The following PLAAT3 variants were observed in gnomAD, a reference collection of about 807,000 sequenced individuals.
PLAAT3 encodes Ca-independent phospholipase A1/2.
A neutral mutation model predicts 16.7 loss-of-function variants in PLAAT3; 21 were observed. That is an observed-to-expected ratio of 1.26 (90% CI 0.89 to 1.81). The LOEUF is 1.81. Ranked by LOEUF, PLAAT3 falls within the 40% of genes most tolerant of loss-of-function variation. PLAAT3 has a pLI of 0.00. For synonymous variants in PLAAT3, 76 were observed against 81.7 expected, an observed-to-expected ratio of 0.93 and a Z score of 0.38; for missense variants, 219 against 213.7, an observed-to-expected ratio of 1.02 and a Z score of -0.16.
chr11:63,575,194 G>C lies in PLAAT3; in HGVS notation c.388-148C>G, dbSNP rs528043355. 14 of 594,804 alleles carry C rather than the reference G, an allele frequency of 2.4e-5. 1 individual carries two copies. The highest frequency in any genetic ancestry group is 4.2e-5 in the Non-Finnish European group (14 of 333,908). 36.8% of individuals were successfully genotyped at this position (594,804 alleles called of 1,614,324 possible). ...GGAGTCAACAAACATTGGTAGGGAA[G>C]AGGGGAGGAGAGGGCTGGACGGGAA... On this transcript the variant is annotated intron_variant, in intron 4 of 4. Coordinates refer to ENST00000415826, the MANE Select transcript of PLAAT3 (RefSeq NM_001128203.2).
chr11:63,588,101 G>T (rs1269703984), intron 4 of PLAAT3, among the ~76,000 whole-genome samples: 1 of 151,442 alleles, frequency 6.6e-6, no homozygotes, highest in Non-Finnish European at 1.5e-5. Context: ...ACTGGGTCTT[G>T]CTCTGTCACC....
chr11:63,599,112 C>A (rs552314076), intron 2 of PLAAT3, among the ~76,000 whole-genome samples: 67 of 152,322 alleles, frequency 4.4e-4, no homozygotes, highest in African/African-American at 1.6e-3. Flanking sequence ...AGTTCCGACT[C>A]TCACTAGAAT....
chr11:63,576,263 T>G (rs1197961177), intron 4 of PLAAT3, among the ~76,000 whole-genome samples: 1 of 151,784 alleles, frequency 6.6e-6, no homozygotes, highest in Non-Finnish European at 1.5e-5. Context: ...CACTCAGAGC[T>G]CCATCCAGTA....
intron 4 of PLAAT3, among the ~76,000 whole-genome samples, chr11:63,589,308 A>G (rs1335585164): frequency 6.6e-6 from 1 of 151,778 alleles, no homozygotes; most frequent in African/African-American, 2.4e-5. Flanking sequence ...ATAAAAGTGA[A>G]CAGCCTGATG....
chr11:63,610,850 G>A (rs1477707620), intron 2 of PLAAT3, among the ~76,000 whole-genome samples: 5 of 152,142 alleles, frequency 3.3e-5, no homozygotes, highest in Non-Finnish European at 7.4e-5. Context: ...AAGGCTCCCC[G>A]CCCACTCATT....
chr11:63,588,604 A>G (rs935231238), intron 4 of PLAAT3, among the ~76,000 whole-genome samples: 39 of 152,198 alleles, frequency 2.6e-4, no homozygotes, highest in African/African-American at 9.2e-4. Context: ...AAGCCAGACC[A>G]TGACCAACAG....
intron 4 of PLAAT3, among the ~76,000 whole-genome samples, chr11:63,576,945 T>C (rs1035526440): frequency 2.6e-5 from 4 of 152,218 alleles, no homozygotes; most frequent in Non-Finnish European, 5.9e-5. Context: ...ATGTTTAAAA[T>C]GCTTTAAGGA....
At chr11:63,585,401 C>CA (rs1937944932) in intron 4 of PLAAT3, among the ~76,000 whole-genome samples, 2 of 151,968 alleles carry the variant, frequency 1.3e-5, no homozygotes, top group Non-Finnish European at 2.9e-5. Context: ...CAACTGGAGA[C>CA]AGTTTTTCCC....
intron 2 of PLAAT3, among the ~76,000 whole-genome samples, chr11:63,605,129 C>T (rs1938523726): frequency 6.6e-6 from 1 of 152,138 alleles, no homozygotes; most frequent in Non-Finnish European, 1.5e-5. Context: ...CGCAGTGGCT[C>T]ACGCCTTGTA....
chr11:63,594,007 C>T (rs1400411475), intron 3 of PLAAT3, among the ~76,000 whole-genome samples: 3 of 152,332 alleles, frequency 2.0e-5, no homozygotes, highest in South Asian at 4.1e-4. Flanking sequence ...GTTGCTCATA[C>T]CAGGGCGCTG....
intron 2 of PLAAT3, chr11:63,598,619 C>T: frequency 2.0e-6 from 1 of 496,038 alleles, no homozygotes; most frequent in Middle Eastern, 3.2e-4. Context: ...AGTGACTTGG[C>T]CAGGACTGAA....
chr11:63,590,314 G>A lies in PLAAT3; in HGVS notation c.173C>T (p.Ala58Val). Reference sequence around the variant, plus strand: ...ATACAGCAATTCCTTCTTCACGATGGCCTTGTCAGTCAGGGCGGACATGAC... The same window carrying A: ...ATACAGCAATTCCTTCTTCACGATGACCTTGTCAGTCAGGGCGGACATGAC... Reference protein sequence around the residue: ...ASVMSALTDKAIVKKELLYDV... With the variant: ...ASVMSALTDKVIVKKELLYDV... The change falls in exon 4 of 5, where the codon GCC becomes GTC. Residue 58 changes from alanine to valine, a missense_variant. Coordinates refer to ENST00000415826, the MANE Select transcript of PLAAT3 (RefSeq NM_001128203.2). The A allele has an allele frequency of 6.2e-7, 1 of 1,613,980 alleles. No homozygotes were observed. The highest frequency in any genetic ancestry group is 8.5e-7 in the Non-Finnish European group (1 of 1,179,844).
At chr11:63,602,209 G>C (rs999427333) in intron 2 of PLAAT3, among the ~76,000 whole-genome samples, 2 of 151,206 alleles carry the variant, frequency 1.3e-5, no homozygotes, top group African/African-American at 4.9e-5. Context: ...AGAATCACTT[G>C]AACCCAGGAG....
chr11:63,578,410 G>A (rs1363184129), intron 4 of PLAAT3, among the ~76,000 whole-genome samples: 1 of 152,152 alleles, frequency 6.6e-6, no homozygotes. Flanking sequence ...AACATTTAGA[G>A]CAGGGAGAAA....
chr11:63,610,062 T>C (rs12289689), intron 2 of PLAAT3, among the ~76,000 whole-genome samples: 4,500 of 152,264 alleles, frequency 0.03, 203 homozygotes, highest in African/African-American at 0.1. Context: ...CCCCGAAAAG[T>C]AGCACCAGGA....
chr11:63,592,267 A>C (rs1938171764), intron 3 of PLAAT3, among the ~76,000 whole-genome samples: 1 of 151,782 alleles, frequency 6.6e-6, no homozygotes. Flanking sequence ...CCTCAGTTCA[A>C]GCGATTCTCA....
intron 4 of PLAAT3, among the ~76,000 whole-genome samples, chr11:63,580,962 T>C (rs1031116050): frequency 2.0e-5 from 3 of 152,330 alleles, no homozygotes; most frequent in African/African-American, 7.2e-5. Context: ...TCATAACTTC[T>C]TACACCTGTC....
chr11:63,611,867 G>A (rs1938700274), intron 2 of PLAAT3, among the ~76,000 whole-genome samples: 3 of 152,344 alleles, frequency 2.0e-5, no homozygotes, highest in Admixed American at 6.5e-5. Flanking sequence ...GGCCGGGCGC[G>A]GTGGCTCACG....
At chr11:63,578,268 G>C (rs891174490) in intron 4 of PLAAT3, among the ~76,000 whole-genome samples, 11 of 150,898 alleles carry the variant, frequency 7.3e-5, no homozygotes, top group Non-Finnish European at 1.0e-4. Context: ...GGACAACAGA[G>C]CAAGACTCAG....
Sources: allele counts gnomAD v4.1 joint callset (sites outside exome capture counted in the v4.1 genomes callset), GRCh38; gene constraint gnomAD v4.1.1; transcripts MANE v1.5; gene names NCBI Gene and HGNC (gene_info 2026-07-23, HGNC 2026-07-21).